KLF12: variants seen among roughly 807,000 people sequenced by gnomAD.
KLF12 encodes the protein KLF transcription factor 12.
In KLF12, 9 loss-of-function variants were observed where a neutral mutation model predicts 37.8. That is an observed-to-expected ratio of 0.24 (90% confidence interval 0.14 to 0.42). The LOEUF (loss-of-function observed/expected upper bound fraction) is 0.42, where lower values mean the gene tolerates loss of function less well. Among genes scored for constraint, KLF12 ranks in the 10% least tolerant of loss-of-function variants. The pLI is 1.00. For synonymous variants in KLF12, 208 were observed against 202.1 expected, an observed-to-expected ratio of 1.03 and a Z score of -0.25; for missense variants, 411 against 516.0, an observed-to-expected ratio of 0.80 and a Z score of 1.97.
At chr13:74,116,350 G>A (rs988261440) in intron 1 of KLF12, among the ~76,000 whole-genome samples, 6 of 152,208 alleles carry the variant, frequency 3.9e-5, no homozygotes, top group African/African-American at 1.4e-4. Context: ...GTGGGAACCT[G>A]CTTTAAGTGA....
the KLF12 span, among the ~76,000 whole-genome samples, chr13:74,249,155 A>ATT: frequency 2.0e-5 from 3 of 150,270 alleles, no homozygotes; most frequent in African/African-American, 7.3e-5. Context: ...CTGCCTCAAG[A>ATT]TTTTTTTTTT....
chr13:73,879,378 C>T (rs1298594829), intron 3 of KLF12, among the ~76,000 whole-genome samples: 7 of 152,098 alleles, frequency 4.6e-5, no homozygotes, highest in Admixed American at 3.9e-4. Context: ...TTCTCTTCCA[C>T]CCCAACGTTA....
At chr13:74,135,500 C>G (rs1878517318), upstream of KLF12, among the ~76,000 whole-genome samples, 1 of 151,712 alleles carries the variant, frequency 6.6e-6, no homozygotes, top group African/African-American at 2.4e-5. Context: ...GGCGGCCGGG[C>G]GGCCCTGCAG....
intron 3 of KLF12, among the ~76,000 whole-genome samples, chr13:73,866,769 A>G (rs1009567678): frequency 6.6e-6 from 1 of 152,054 alleles, no homozygotes; most frequent in African/African-American, 2.4e-5. Flanking sequence ...AAAAAAGAGC[A>G]AAGGAAAAGG....
At chr13:74,010,593 G>A (rs1356503485) in intron 1 of KLF12, among the ~76,000 whole-genome samples, 1 of 152,114 alleles carries the variant, frequency 6.6e-6, no homozygotes, top group Non-Finnish European at 1.5e-5. Flanking sequence ...TCTAAAACAT[G>A]TAATTTGTAC....
the KLF12 span, among the ~76,000 whole-genome samples, chr13:74,178,733 T>C: frequency 6.6e-6 from 1 of 152,322 alleles, no homozygotes; most frequent in Admixed American, 6.5e-5. Flanking sequence ...TGCTTCTCTA[T>C]GGACCCCAAT....
intron 3 of KLF12, among the ~76,000 whole-genome samples, chr13:73,894,171 T>C (rs561039291): frequency 2.0e-5 from 3 of 152,282 alleles, no homozygotes; most frequent in South Asian, 2.1e-4. Flanking sequence ...AGACGGGACA[T>C]AGTTTGCAGA....
the KLF12 span, among the ~76,000 whole-genome samples, chr13:74,302,096 C>T: frequency 2.0e-5 from 3 of 151,920 alleles, no homozygotes; most frequent in Non-Finnish European, 4.4e-5. Context: ...TTTTGCAGCC[C>T]CTGGGTAGCA....
At chr13:73,929,795 G>C (rs950492258) in intron 3 of KLF12, among the ~76,000 whole-genome samples, 2 of 152,212 alleles carry the variant, frequency 1.3e-5, no homozygotes, top group Non-Finnish European at 2.9e-5. Flanking sequence ...TCTGTGTGCA[G>C]GCAGCCTTAC....
intron 4 of KLF12, among the ~76,000 whole-genome samples, chr13:73,814,058 A>G (rs528173711): frequency 6.6e-6 from 1 of 152,366 alleles, no homozygotes; most frequent in East Asian, 1.9e-4. Context: ...ATGTTAACAC[A>G]TATTTTTAAA....
the KLF12 span, among the ~76,000 whole-genome samples, chr13:74,241,126 T>C: frequency 2.6e-5 from 4 of 151,432 alleles, no homozygotes; most frequent in Non-Finnish European, 5.9e-5. Context: ...GTTTTTGGTG[T>C]GGATGTCCTT....
chr13:73,920,778 A>C (rs546835510), intron 3 of KLF12, among the ~76,000 whole-genome samples: 1 of 152,180 alleles, frequency 6.6e-6, no homozygotes, highest in African/African-American at 2.4e-5. Flanking sequence ...GGTTCAGAAA[A>C]TAATACCCCA....
At chr13:74,136,237 G>A (rs9543535), upstream of KLF12, among the ~76,000 whole-genome samples, 102,814 of 152,076 alleles carry the variant, frequency 0.68, 41,080 homozygotes, top group East Asian at 0.95. Context: ...GGGGGTGAGG[G>A]GTTGGTGGTT....
chr13:73,786,335 T>C lies in KLF12; in HGVS notation c.807-21335A>G, dbSNP rs537006848. Among the ~76,000 whole-genome samples the C allele has an allele frequency of 5.3e-5, 8 of 152,306 alleles. No individual in the cohort carries two copies. The East Asian group carries it at 1.5e-3, about 29-fold the overall frequency. On this transcript the variant is annotated intron_variant, in intron 5 of 7. Transcript: ENST00000377669. ...ACACTTCTCTAAACTCCTGCTTTCA[T>C]TATCTCAACCCTAGTTCAATAACCA...
intron 6 of KLF12, among the ~76,000 whole-genome samples, chr13:73,753,685 A>G (rs1236405498): frequency 6.6e-6 from 1 of 151,506 alleles, no homozygotes; most frequent in African/African-American, 2.4e-5. Context: ...AAAAAAGTCA[A>G]TCTCTGGCAA....
chr13:73,814,797 G>C (rs1883128270), intron 4 of KLF12, among the ~76,000 whole-genome samples: 1 of 152,064 alleles, frequency 6.6e-6, no homozygotes, highest in Non-Finnish European at 1.5e-5. Context: ...CTAGTGGGCA[G>C]ACGCTAAGGA....
intron 6 of KLF12, among the ~76,000 whole-genome samples, chr13:73,746,108 G>A (rs1236094277): frequency 6.6e-6 from 1 of 151,360 alleles, no homozygotes; most frequent in African/African-American, 2.4e-5. Context: ...AGTTAGAAGT[G>A]TGTATATGTA....
chr13:73,746,085 T>C (rs577176599), intron 6 of KLF12, among the ~76,000 whole-genome samples: 2 of 148,068 alleles, frequency 1.4e-5, no homozygotes, highest in Non-Finnish European at 1.5e-5. Flanking sequence ...AAAAAAAAAC[T>C]GTGCATTGCC....
chr13:74,203,177 C>A, the KLF12 span, among the ~76,000 whole-genome samples: 12 of 152,124 alleles, frequency 7.9e-5, no homozygotes, highest in African/African-American at 2.9e-4. Flanking sequence ...TGTGGGGCAT[C>A]TAAGAGATGA....
Sources: allele counts gnomAD v4.1 joint callset (sites outside exome capture counted in the v4.1 genomes callset), GRCh38; gene constraint gnomAD v4.1.1; transcripts MANE v1.5; gene names NCBI Gene and HGNC (gene_info 2026-07-23, HGNC 2026-07-21).